PTPRR: variants seen among roughly 807,000 people sequenced by gnomAD.
The protein encoded by PTPRR is protein tyrosine phosphatase receptor type R.
A neutral mutation model predicts 77.2 loss-of-function variants in PTPRR; 38 were observed. That is an observed-to-expected ratio of 0.49 (90% CI 0.38 to 0.65). The LOEUF (loss-of-function observed/expected upper bound fraction) is 0.65. Ranked by LOEUF, PTPRR falls within the 30% of genes least tolerant of loss-of-function variation. The probability of loss-of-function intolerance (pLI) is 0.00; values close to 1 mark genes in which losing one functional copy is unlikely to be tolerated. For missense variants in PTPRR, 744 were observed against 799.2 expected, an observed-to-expected ratio of 0.93 and a Z score of 0.83; for synonymous variants, 299 against 283.1, an observed-to-expected ratio of 1.06 and a Z score of -0.57.
chr12:70,682,198 C>T (rs891712350), intron 10 of PTPRR, among the ~76,000 whole-genome samples: 15 of 151,138 alleles, frequency 9.9e-5, no homozygotes, highest in African/African-American at 3.4e-4. Flanking sequence ...CGCCCGCCAC[C>T]ACGCCCGGCT....
Position 70,754,179 on chromosome 12 carries a change from A to G in PTPRR, c.738+12T>C. On this transcript the variant is annotated intron_variant, in intron 5 of 13. Transcript: ENST00000283228. The stretch of plus-strand genomic sequence containing the variant: ...TGAGCAAAGGATAAAATATACAAAG[A>G]AGCAAACTTACCATCAAACACGTTA... The G allele has an allele frequency of 1.9e-6, 3 of 1,611,126 alleles. No individual in the cohort carries two copies. The highest frequency in any genetic ancestry group is 2.5e-6 in the Non-Finnish European group (3 of 1,178,794).
chr12:70,872,310 C>T (rs980661561), intron 2 of PTPRR, among the ~76,000 whole-genome samples: 11 of 152,012 alleles, frequency 7.2e-5, no homozygotes, highest in Admixed American at 7.2e-4. Flanking sequence ...AAATGGTCTT[C>T]CTGAGTTTGA....
At chr12:70,895,290 G>T (rs2137120019) in intron 1 of PTPRR, among the ~76,000 whole-genome samples, 1 of 151,636 alleles carries the variant, frequency 6.6e-6, no homozygotes, top group African/African-American at 2.4e-5. Context: ...GACAAACTGA[G>T]TAAATTACAC....
chr12:70,815,152 A>G (rs1565706769), intron 2 of PTPRR, among the ~76,000 whole-genome samples: 2 of 95,284 alleles, frequency 2.1e-5, no homozygotes, highest in South Asian at 5.5e-4. Context: ...AAAAAAACCC[A>G]CGTGTCACTT....
chr12:70,865,389 G>A (rs546490383), intron 2 of PTPRR, among the ~76,000 whole-genome samples: 3 of 119,154 alleles, frequency 2.5e-5, no homozygotes, highest in African/African-American at 7.7e-5. Context: ...ATATACTTAC[G>A]AGACAGATTG....
chr12:70,914,837 GCAACAA>G (rs906182882), intron 1 of PTPRR, among the ~76,000 whole-genome samples: 3 of 151,170 alleles, frequency 2.0e-5, no homozygotes, highest in Non-Finnish European at 4.4e-5. Flanking sequence ...AACAACAACA[GCAACAA>G]CAACAACAAC....
intron 6 of PTPRR, among the ~76,000 whole-genome samples, chr12:70,722,552 G>A (rs559910426): frequency 9.9e-4 from 151 of 152,260 alleles, no homozygotes; most frequent in Non-Finnish European, 1.6e-3. Context: ...TTGGAGGGAC[G>A]CGGAGGTCAT....
intron 6 of PTPRR, among the ~76,000 whole-genome samples, chr12:70,710,532 CA>C (rs1169407740): frequency 2.0e-5 from 3 of 152,036 alleles, no homozygotes. Flanking sequence ...ATGATTTCAA[CA>C]AAAGGAAAAA....
intron 2 of PTPRR, among the ~76,000 whole-genome samples, chr12:70,865,881 C>T (rs1421736109): frequency 2.6e-5 from 4 of 152,112 alleles, no homozygotes; most frequent in African/African-American, 9.7e-5. Context: ...CATGACGCAA[C>T]CACCTCAAAA....
chr12:70,774,075 T>A (rs1364457560), intron 2 of PTPRR, among the ~76,000 whole-genome samples: 2 of 152,226 alleles, frequency 1.3e-5, no homozygotes. Flanking sequence ...TCTGCCAGAC[T>A]ACAGAAGCTG....
intron 2 of PTPRR, among the ~76,000 whole-genome samples, chr12:70,773,333 C>T (rs184730811): frequency 1.5e-3 from 225 of 152,154 alleles, no homozygotes; most frequent in Non-Finnish European, 2.4e-3. Flanking sequence ...CCACCTTTAA[C>T]GAGGAGAAAG....
At chr12:70,684,825 C>T (rs773861393) in intron 8 of PTPRR, 42 bp from the exon 9 acceptor site, 4 of 1,431,898 alleles carry the variant, frequency 2.8e-6, no homozygotes, top group East Asian at 2.3e-5. Flanking sequence ...ACAGATTTAC[C>T]CTTTTTAAAG....
rs1005886478 is a variant in PTPRR, at chr12:70,757,589, G to GT, written c.628-3289dup. Reference sequence around the variant, plus strand: ...TAAACAAGAACAGTTTTCTAGTTGGGTTTTTTTGTTTCTGAAGAGTCATTT... The same window carrying GT: ...TAAACAAGAACAGTTTTCTAGTTGGGTTTTTTTTGTTTCTGAAGAGTCATTT... On this transcript the variant is annotated intron_variant, in intron 4 of 13. Transcript: ENST00000283228. 6.6e-5 allele frequency among the ~76,000 whole-genome samples: 10 copies of GT among 152,118 alleles called. No homozygotes were observed. The East Asian group carries it at 7.7e-4, about 12-fold the overall frequency.
rs768094923 is a variant in PTPRR at position 70,660,945 on chromosome 12, G to A, written c.1761C>T (p.His587=). 1.2e-6 allele frequency: 2 copies of A among 1,612,774 alleles called. No homozygotes were observed. Among genetic ancestry groups the A allele is most frequent in the Admixed American group, 1.7e-5 (1 of 59,850 alleles). ...ASQGRGPVVV[H]CSAGIGRTGC... is the part of the protein sequence containing the mutation. ...AAGGACCATACACGTCTTACCTGCA[G>A]TGGACAACCACAGGCCCTCGGCCCT... The change falls in exon 12 of 14, where the codon CAC becomes CAT. Residue 587 remains histidine, a synonymous_variant. Transcript: ENST00000283228.
chr12:70,776,883 C>T (rs1240705295), intron 2 of PTPRR, among the ~76,000 whole-genome samples: 1 of 152,014 alleles, frequency 6.6e-6, no homozygotes, highest in Non-Finnish European at 1.5e-5. Context: ...ATAAAAATGT[C>T]ATGCTTATTA....
At chr12:70,775,924 C>T (rs1291299534) in intron 2 of PTPRR, among the ~76,000 whole-genome samples, 1 of 152,100 alleles carries the variant, frequency 6.6e-6, no homozygotes, top group Non-Finnish European at 1.5e-5. Context: ...CTGTTAGAGA[C>T]ATTTTATGCT....
intron 5 of PTPRR, among the ~76,000 whole-genome samples, chr12:70,748,397 C>A (rs573119908): frequency 8.5e-4 from 129 of 152,238 alleles, no homozygotes; most frequent in Middle Eastern, 3.4e-3. Context: ...TGGAATATAG[C>A]ATATTCATAT....
intron 8 of PTPRR, among the ~76,000 whole-genome samples, chr12:70,688,788 A>C (rs1329354341): frequency 6.6e-6 from 1 of 152,190 alleles, no homozygotes; most frequent in Non-Finnish European, 1.5e-5. Context: ...AAACAACTGG[A>C]GTGTCCATCA....
intron 2 of PTPRR, among the ~76,000 whole-genome samples, chr12:70,765,726 C>A (rs1161410940): frequency 1.3e-5 from 2 of 152,162 alleles, no homozygotes; most frequent in African/African-American, 4.8e-5. Context: ...GGTCCCTGAC[C>A]CCTGACCCCT....
Sources: gnomAD v4.1 joint callset for allele counts (sites outside exome capture counted in the v4.1 genomes callset) on GRCh38, gnomAD v4.1.1 for gene constraint, MANE v1.5 for transcripts, NCBI Gene and HGNC (gene_info 2026-07-23, HGNC 2026-07-21) for gene names.